The following CFAP54 variants were observed in gnomAD, a reference collection of about 807,000 sequenced individuals.
The protein encoded by CFAP54 is cilia and flagella associated protein 54, also known as cilia- and flagella-associated protein 54.
CFAP54 carries 290 observed loss-of-function variants against 370.4 expected under a neutral mutation model. The observed-to-expected ratio is 0.78, with a 90% confidence interval of 0.71 to 0.86. The LOEUF is 0.86. Ranked by LOEUF, CFAP54 falls within the 40% of genes least tolerant of loss-of-function variation. CFAP54 has a pLI of 0.00. For missense variants in CFAP54, 3,399 were observed against 3,528.7 expected, an observed-to-expected ratio of 0.96 and a Z score of 0.93; for synonymous variants, 1,206 against 1,236.5, an observed-to-expected ratio of 0.98 and a Z score of 0.52.
intron 32 of CFAP54, among the ~76,000 whole-genome samples, chr12:96,637,132 G>A (rs1411750602): frequency 2.0e-5 from 3 of 152,118 alleles, no homozygotes; most frequent in South Asian, 2.1e-4. Context: ...GCTGTTTCAC[G>A]TATGTGTAAT....
chr12:96,858,366 T>G (rs566037085), intron 66 of CFAP54, among the ~76,000 whole-genome samples: 46 of 152,314 alleles, frequency 3.0e-4, no homozygotes, highest in African/African-American at 1.0e-3. Flanking sequence ...AAATTTGGTT[T>G]CAGTTCCTCA....
Position 96,663,228 on chromosome 12 carries a change from A to G in CFAP54, c.5461-602A>G, listed in dbSNP as rs574143462. The stretch of plus-strand genomic sequence containing the variant: ...AAGGGACAATAAAGAAGAAGCATCT[A>G]TATCAGACTGGGGTTCCAGGAGGAC... On this transcript the variant is annotated intron_variant, in intron 38 of 67. Coordinates refer to ENST00000524981, the MANE Select transcript of CFAP54 (RefSeq NM_001306084.2). 1.2e-3 allele frequency among the ~76,000 whole-genome samples: 179 copies of G among 152,316 alleles called. 2 individuals carry two copies. Among genetic ancestry groups the G allele is most frequent in the African/African-American group, 4.0e-3 (166 of 41,576 alleles).
chr12:96,594,728 T>A (rs942392407), intron 25 of CFAP54, among the ~76,000 whole-genome samples: 21 of 152,198 alleles, frequency 1.4e-4, no homozygotes, highest in Admixed American at 7.2e-4. Context: ...GTTATTTTAA[T>A]TTTTATGTTC....
chr12:96,520,852 A>G (rs1955302053), intron 6 of CFAP54, among the ~76,000 whole-genome samples: 1 of 152,218 alleles, frequency 6.6e-6, no homozygotes, highest in Non-Finnish European at 1.5e-5. Flanking sequence ...TCATCTGGCC[A>G]ATTCACAATT....
intron 60 of CFAP54, among the ~76,000 whole-genome samples, chr12:96,779,292 G>A (rs1958558163): frequency 1.3e-5 from 2 of 152,016 alleles, no homozygotes; most frequent in Admixed American, 1.3e-4. Flanking sequence ...CAGATAGTTT[G>A]GCCAGCTTTT....
intron 1 of CFAP54, among the ~76,000 whole-genome samples, chr12:96,494,765 T>C (rs1421243886): frequency 6.6e-6 from 1 of 151,854 alleles, no homozygotes; most frequent in Non-Finnish European, 1.5e-5. Flanking sequence ...TCTTGCTCTG[T>C]CGCCAGGCTG....
chr12:96,525,465 A>G (rs549091375), intron 8 of CFAP54, among the ~76,000 whole-genome samples: 1 of 152,164 alleles, frequency 6.6e-6, no homozygotes, highest in Admixed American at 6.5e-5. Context: ...CAGCTCTGAT[A>G]AATATTCCAT....
At chr12:96,649,163 G>A (rs1300872267) in intron 34 of CFAP54, among the ~76,000 whole-genome samples, 1 of 152,186 alleles carries the variant, frequency 6.6e-6, no homozygotes, top group African/African-American at 2.4e-5. Flanking sequence ...ATTTATGTTT[G>A]AGGGACTTGG....
intron 55 of CFAP54, among the ~76,000 whole-genome samples, chr12:96,752,400 G>A (rs1437623698): frequency 6.6e-6 from 1 of 152,106 alleles, no homozygotes; most frequent in East Asian, 1.9e-4. Context: ...GAGGCATGTG[G>A]GGACTTGTTC....
At chr12:96,533,996 C>G in intron 10 of CFAP54, 23 bp downstream of exon 10, 2 of 1,471,772 alleles carry the variant, frequency 1.4e-6, no homozygotes, top group Non-Finnish European at 8.9e-7. Flanking sequence ...AAATTATCCT[C>G]CTGGTTTTTT....
At chr12:96,743,334 G>T (rs1227784018) in intron 52 of CFAP54, 68 bp from the exon 53 acceptor site, 2 of 1,485,980 alleles carry the variant, frequency 1.3e-6, no homozygotes, top group Non-Finnish European at 1.9e-6. Context: ...TGAAAATTGG[G>T]GCTATTACAC....
intron 1 of CFAP54, among the ~76,000 whole-genome samples, chr12:96,490,584 C>T (rs1954870042): frequency 6.6e-6 from 1 of 152,100 alleles, no homozygotes. Context: ...CCCAGCTACT[C>T]AGGAGGCTGA....
At chr12:96,578,175 C>T (rs905106349) in intron 20 of CFAP54, among the ~76,000 whole-genome samples, 22 of 152,218 alleles carry the variant, frequency 1.4e-4, no homozygotes, top group South Asian at 4.1e-4. Context: ...AAGCTCTGTG[C>T]GAGGTAATTG....
intron 15 of CFAP54, among the ~76,000 whole-genome samples, chr12:96,552,659 T>A (rs1256938678): frequency 6.6e-6 from 1 of 152,158 alleles, no homozygotes; most frequent in Non-Finnish European, 1.5e-5. Context: ...AATAGTAATC[T>A]AAATGTCCAT....
At position 96,496,422 on chromosome 12, in the gene CFAP54, A is replaced by G. The variant is rs1249572671; in HGVS notation, c.318-4412A>G. Among the ~76,000 whole-genome samples the G allele has an allele frequency of 3.9e-5, 6 of 152,226 alleles. No homozygotes were observed. In the East Asian group the frequency reaches 1.2e-3, roughly 29 times the overall value. On this transcript the variant is annotated intron_variant, in intron 1 of 67. Transcript: ENST00000524981. ...TTATTTTTCACAGTCTGAAGGCTGGAAGTCCCAGATCAAGGTCCAGCAGGG... is the reference window on the plus strand; with the variant it reads ...TTATTTTTCACAGTCTGAAGGCTGGGAGTCCCAGATCAAGGTCCAGCAGGG...
At position 96,565,406 on chromosome 12, in the gene CFAP54, A is replaced by AT. The variant is rs1555241003; in HGVS notation, c.2619+649dup. 3.3e-5 allele frequency among the ~76,000 whole-genome samples: 5 copies of AT among 151,820 alleles called. No homozygotes were observed. The South Asian group carries it at 6.2e-4, about 19-fold the overall frequency. The stretch of plus-strand genomic sequence containing the variant: ...CCACCATGCCAGAATATTAAAAAAA[A>AT]TTTTTTTTGGTAGAGTCAGACCCTT... On this transcript the variant is annotated intron_variant, in intron 19 of 67. Coordinates refer to ENST00000524981, the MANE Select transcript of CFAP54 (RefSeq NM_001306084.2).
At chr12:96,830,672 T>C (rs1959167924) in intron 66 of CFAP54, among the ~76,000 whole-genome samples, 1 of 152,076 alleles carries the variant, frequency 6.6e-6, no homozygotes, top group African/African-American at 2.4e-5. Context: ...CTCCTAGTTT[T>C]CTGGGTTTGT....
chr12:96,585,971 G>A (rs1042596897), intron 22 of CFAP54, among the ~76,000 whole-genome samples: 9 of 152,086 alleles, frequency 5.9e-5, no homozygotes, highest in African/African-American at 1.9e-4. Flanking sequence ...TGCTTTGCAG[G>A]GGAGTCTCTA....
At chr12:96,650,744 C>T (rs1488646991) in intron 35 of CFAP54, among the ~76,000 whole-genome samples, 1 of 152,142 alleles carries the variant, frequency 6.6e-6, no homozygotes, top group Non-Finnish European at 1.5e-5. Context: ...GACAGGTTCT[C>T]ATATGCCCCA....
Sources: allele counts gnomAD v4.1 joint callset (sites outside exome capture counted in the v4.1 genomes callset), GRCh38; gene constraint gnomAD v4.1.1; transcripts MANE v1.5; gene names NCBI Gene and HGNC (gene_info 2026-07-23, HGNC 2026-07-21).